Variants in ADCY3 observed in about 807,000 individuals in gnomAD.
ADCY3 encodes adenylate cyclase 3.
ADCY3 carries 70 observed loss-of-function variants against 119.4 expected under a neutral mutation model. The observed-to-expected ratio is 0.59, with a 90% CI of 0.48 to 0.72. The LOEUF (loss-of-function observed/expected upper bound fraction) is 0.72, where lower values mean the gene tolerates loss of function less well. ADCY3 is among the 30% of genes least tolerant of loss of function. ADCY3 has a pLI of 0.00. For synonymous variants in ADCY3, 672 were observed against 621.4 expected (o/e 1.08, Z -1.21); for missense variants, 1,238 against 1,541.6 (o/e 0.80, Z 3.30).
At chr2:24,900,136 A>G (rs1164325499) in intron 2 of ADCY3, among the ~76,000 whole-genome samples, 1 of 148,968 alleles carries the variant, frequency 6.7e-6, no homozygotes, top group Non-Finnish European at 1.5e-5. Flanking sequence ...TTTGAGACAG[A>G]GTCTTGCTCT....
chr2:24,883,086 A>C (rs1232921760), intron 2 of ADCY3, among the ~76,000 whole-genome samples: 2 of 151,812 alleles, frequency 1.3e-5, no homozygotes, highest in African/African-American at 4.8e-5. Flanking sequence ...GCGGTGGCTC[A>C]AGCCTGTAAT....
At chr2:24,911,217 CTTT>C (rs61442701) in intron 2 of ADCY3, among the ~76,000 whole-genome samples, 2 of 93,482 alleles carry the variant, frequency 2.1e-5, no homozygotes, top group Non-Finnish European at 4.0e-5. Flanking sequence ...TATAAGGGTT[CTTT>C]TTTTTTTTTT....
Position 24,822,559 on chromosome 2 carries a change from T to A in ADCY3, c.2955A>T (p.Ser985=). The A allele has an allele frequency of 4.3e-6, 7 of 1,613,944 alleles. No individual in the cohort carries two copies. Among genetic ancestry groups the A allele is most frequent in the Non-Finnish European group, 5.9e-6 (7 of 1,179,952 alleles). The change falls in exon 19 of 22, where the codon TCA becomes TCT. Residue 985 remains serine (S), a synonymous_variant. Coordinates refer to ENST00000679454, the MANE Select transcript of ADCY3 (RefSeq NM_004036.5). ...KTIGSTYMAA[S]GVTPDVNTNG... ...TGGTGTTGACATCGGGGGTGACTCC[T>A]GAAGCCGCCATATACGTGCTGCCAA... is the stretch of plus-strand genomic sequence containing the variant.
chr2:24,873,736 G>T (rs1658765203), intron 2 of ADCY3, among the ~76,000 whole-genome samples: 1 of 152,198 alleles, frequency 6.6e-6, no homozygotes, highest in African/African-American at 2.4e-5. Flanking sequence ...TTCAAGCAAG[G>T]CCTCTTTCCT....
rs1266846986 is a variant in ADCY3 at position 24,821,396 on chromosome 2, C to T, written c.3127+121G>A. 21 of 1,424,054 alleles carry T rather than the reference C, an allele frequency of 1.5e-5. No homozygotes were observed. In the East Asian group the frequency reaches 2.1e-4, roughly 14 times the overall value. 88.2% of individuals were successfully genotyped at this position (1,424,054 alleles called of 1,614,324 possible). A position where few individuals can be genotyped will look rare whatever the true frequency, so the allele number is the denominator to read the frequency against. ...TTCAGGTCTCCTTGCCCTGTGAGTG[C>T]GTGAACCTCCCCACCCGAATTGCCT... is the stretch of plus-strand genomic sequence containing the variant. On this transcript the variant is annotated intron_variant, in intron 20 of 21. Coordinates refer to ENST00000679454, the MANE Select transcript of ADCY3 (RefSeq NM_004036.5).
intron 2 of ADCY3, among the ~76,000 whole-genome samples, chr2:24,881,263 G>A (rs528476568): frequency 6.6e-6 from 1 of 152,300 alleles, no homozygotes; most frequent in African/African-American, 2.4e-5. Flanking sequence ...TCCCAGCCCA[G>A]ATCAGCCCCA....
chr2:24,823,339 G>C lies in ADCY3; in HGVS notation c.2753C>G (p.Thr918Arg). The C allele has an allele frequency of 6.2e-7, 1 of 1,613,338 alleles. No individual in the cohort carries two copies. Among genetic ancestry groups the C allele is most frequent in the Non-Finnish European group, 8.5e-7 (1 of 1,179,782 alleles). ...AAACATGACTCCAATCTCATCATACGTCTGGCTATACAGCTCCTAAAAAGA... is the reference window on the plus strand; with the variant it reads ...AAACATGACTCCAATCTCATCATACCTCTGGCTATACAGCTCCTAAAAAGA... ...KKRDEELYSQ[T>R]YDEIGVMFAS... is the part of the protein sequence containing the mutation. Residue 918 changes from threonine to arginine, a missense_variant, in exon 18 of 22, where the codon ACG (threonine) becomes AGG (arginine). Around this residue, in one of 7 missense-constraint regions of ADCY3, gnomAD observed 499 missense variants for 571.0 expected, o/e 0.87. Coordinates refer to ENST00000679454, the MANE Select transcript of ADCY3 (RefSeq NM_004036.5).
At chr2:24,909,868 C>T (rs1663361724) in intron 2 of ADCY3, among the ~76,000 whole-genome samples, 1 of 152,200 alleles carries the variant, frequency 6.6e-6, no homozygotes, top group Non-Finnish European at 1.5e-5. Flanking sequence ...GAATCAATTT[C>T]CTCTTGCATC....
intron 13 of ADCY3, 84 bp from the exon 14 acceptor site, chr2:24,828,245 G>A (rs1000633257): frequency 4.0e-5 from 60 of 1,492,026 alleles, no homozygotes; most frequent in South Asian, 1.2e-4. Context: ...GGTAGTGCAC[G>A]CTCAGCTGCC....
rs73923440 is a variant in ADCY3, at chr2:24,841,179, C to T, written c.1196+80G>A. ...TCCCCCACCCAGGGGCCATGGCCAG[C>T]GCGGAAGACCTGCTTCTCCCTGGGT... On this transcript the variant is annotated intron_variant, in intron 6 of 21. Transcript: ENST00000679454. The surrounding 1 kb of genome is among the most constrained non-coding windows in gnomAD (Gnocchi z 5.8). 5,239 of 1,437,518 alleles carry T rather than the reference C, an allele frequency of 3.6e-3. 159 individuals carry two copies. The African/African-American group carries it at 0.061, about 17-fold the overall frequency. The allele number at this position is 1,437,518 out of a possible 1,614,324, so 89.0% of individuals were successfully genotyped here.
At chr2:24,862,036 A>G (rs1673724543) in intron 3 of ADCY3, among the ~76,000 whole-genome samples, 1 of 152,234 alleles carries the variant, frequency 6.6e-6, no homozygotes, top group Admixed American at 6.5e-5. Context: ...CAGGGCTCAC[A>G]GTCCCCCAAA....
intron 2 of ADCY3, among the ~76,000 whole-genome samples, chr2:24,891,982 G>C (rs888977148): frequency 2.6e-5 from 4 of 152,166 alleles, no homozygotes; most frequent in African/African-American, 9.7e-5. Flanking sequence ...CAGCCCCCAC[G>C]AATAAGGGGG....
intron 3 of ADCY3, among the ~76,000 whole-genome samples, chr2:24,871,905 G>C (rs564046939): frequency 5.3e-5 from 8 of 152,224 alleles, no homozygotes; most frequent in Non-Finnish European, 8.8e-5. Context: ...CCAGGAAACC[G>C]AGGCAGGGAC....
In ADCY3 at chr2:24,841,790, C is replaced by G. The variant is rs949149087; in HGVS notation, c.957-123G>C. The G allele has an allele frequency of 1.4e-6, 1 of 709,442 alleles. No individual in the cohort carries two copies. Among genetic ancestry groups the G allele is most frequent in the African/African-American group, 1.8e-5 (1 of 56,594 alleles). 43.9% of individuals were successfully genotyped at this position (709,442 alleles called of 1,614,324 possible). A position where few individuals can be genotyped will look rare whatever the true frequency, so the allele number is the denominator to read the frequency against. ...CAGGGCAGGAGAAGGTCCTCCCTCA[C>G]GACCCCCAGACAGTGAGACCCTGAC... On this transcript the variant is annotated intron_variant, in intron 4 of 21. Transcript: ENST00000679454. The surrounding 1 kb of genome is among the most constrained non-coding windows in gnomAD (Gnocchi z 5.8).
At position 24,872,750 on chromosome 2, in the gene ADCY3, CA is replaced by C. The variant is rs747067481; in HGVS notation, c.676-32del. ...CCCCAAGGAAGAAGAGAGAAAAGGC[CA>C]GGGGTGAAGGCACGTCTTCAGAAAA... On this transcript the variant is annotated intron_variant, in intron 2 of 21. Transcript: ENST00000679454. This position sits in a 1 kb window ranked among gnomAD's most constrained non-coding sequence, Gnocchi z 4.4. 97 of 1,604,504 alleles carry C rather than the reference CA, an allele frequency of 6.0e-5. No homozygotes were observed. The highest frequency in any genetic ancestry group is 1.7e-4 in the Middle Eastern group (1 of 6,022).
At chr2:24,855,154 G>A (rs183431425) in intron 3 of ADCY3, among the ~76,000 whole-genome samples, 237 of 152,034 alleles carry the variant, frequency 1.6e-3, no homozygotes, top group Admixed American at 3.7e-3. Flanking sequence ...AAAAGGCCCC[G>A]GTCCAGCTTA....
Position 24,898,345 on chromosome 2 carries a change from A to G in ADCY3, c.675+19968T>C, listed in dbSNP as rs1470990963. On this transcript the variant is annotated intron_variant, in intron 2 of 21. Coordinates refer to ENST00000679454, the MANE Select transcript of ADCY3 (RefSeq NM_004036.5). The surrounding 1 kb of genome is among the most constrained non-coding windows in gnomAD (Gnocchi z 4.3). ...GAGCCCCACCCTCGCACCGAGAAGAAAGGAAGGGAGTGGACCTACTGTCTG... is the reference window on the plus strand; with the variant it reads ...GAGCCCCACCCTCGCACCGAGAAGAGAGGAAGGGAGTGGACCTACTGTCTG... Among the ~76,000 whole-genome samples the G allele has an allele frequency of 6.6e-6, 1 of 151,842 alleles. No homozygotes were observed.
intron 3 of ADCY3, among the ~76,000 whole-genome samples, chr2:24,853,171 A>G (rs1672587632): frequency 6.6e-6 from 1 of 152,148 alleles, no homozygotes; most frequent in African/African-American, 2.4e-5. Context: ...GGACTGGGGT[A>G]TAAGGAAGCT....
intron 2 of ADCY3, among the ~76,000 whole-genome samples, chr2:24,873,137 C>A (rs1335307996): frequency 6.6e-6 from 1 of 152,192 alleles, no homozygotes; most frequent in East Asian, 1.9e-4. Flanking sequence ...AGGTGCTCTG[C>A]CAATTTGTTG....
Sources: gnomAD v4.1 joint callset for allele counts (sites outside exome capture counted in the v4.1 genomes callset) on GRCh38, gnomAD v4.1.1 for gene constraint, gnomAD v4.1.1 regional missense constraint, Gnocchi (gnomAD v3.1) non-coding constraint, MANE v1.5 for transcripts, NCBI Gene and HGNC (gene_info 2026-07-23, HGNC 2026-07-21) for gene names.